The following SDK1 variants were observed in gnomAD, a reference collection of about 807,000 sequenced individuals.
SDK1 encodes sidekick cell adhesion molecule 1, also known as protein sidekick-1.
In SDK1, 157 loss-of-function variants were observed where a neutral mutation model predicts 245.5. The ratio of observed to expected loss-of-function variants is 0.64; its 90% confidence interval spans 0.56 to 0.73. The LOEUF (loss-of-function observed/expected upper bound fraction) is 0.73, where lower values mean the gene tolerates loss of function less well. Among genes scored for constraint, SDK1 ranks in the 30% least tolerant of loss-of-function variants. The pLI is 0.00. For synonymous variants in SDK1, 1,647 were observed against 1,278.5 expected, an observed-to-expected ratio of 1.29 and a Z score of -6.15; for missense variants, 3,583 against 3,002.3, an observed-to-expected ratio of 1.19 and a Z score of -4.52.
intron 5 of SDK1, among the ~76,000 whole-genome samples, chr7:3,886,228 G>A (rs1474464758): frequency 1.3e-5 from 2 of 152,186 alleles, no homozygotes; most frequent in South Asian, 2.1e-4. Flanking sequence ...GCTGCACATC[G>A]GGGATTCTAA....
At chr7:3,378,885 G>A (rs1175075253) in intron 1 of SDK1, among the ~76,000 whole-genome samples, 1 of 152,008 alleles carries the variant, frequency 6.6e-6, no homozygotes, top group East Asian at 1.9e-4. Context: ...TTCCTTGTTA[G>A]GACCTCTCAT....
At chr7:4,069,468 A>G (rs1427852421) in intron 20 of SDK1, among the ~76,000 whole-genome samples, 1 of 152,200 alleles carries the variant, frequency 6.6e-6, no homozygotes, top group Non-Finnish European at 1.5e-5. Context: ...CCGCACCCCA[A>G]GGTTGAGTGA....
At chr7:3,985,003 C>G (rs1783714666) in intron 13 of SDK1, among the ~76,000 whole-genome samples, 1 of 152,234 alleles carries the variant, frequency 6.6e-6, no homozygotes, top group African/African-American at 2.4e-5. Flanking sequence ...GAATCACTGG[C>G]TGCATGGTTG....
intron 1 of SDK1, among the ~76,000 whole-genome samples, chr7:3,479,697 A>C (rs1781454377): frequency 6.6e-6 from 1 of 151,830 alleles, no homozygotes; most frequent in South Asian, 2.1e-4. Context: ...CCCTATTTCT[A>C]CTAAAAATAC....
chr7:4,073,898 C>T (rs1780438429), intron 20 of SDK1, among the ~76,000 whole-genome samples: 1 of 152,188 alleles, frequency 6.6e-6, no homozygotes, highest in South Asian at 2.1e-4. Flanking sequence ...AGCACGGCCA[C>T]AACAAGCGAT....
chr7:3,452,518 A>T (rs1251630944), intron 1 of SDK1, among the ~76,000 whole-genome samples: 1 of 152,224 alleles, frequency 6.6e-6, no homozygotes, highest in African/African-American at 2.4e-5. Flanking sequence ...AACATGCATT[A>T]ATAACAAATC....
chr7:3,716,399 G>T (rs1186273504), intron 4 of SDK1, among the ~76,000 whole-genome samples: 1 of 152,080 alleles, frequency 6.6e-6, no homozygotes, highest in African/African-American at 2.4e-5. Context: ...GGAAAAATTA[G>T]AACTCTGAAA....
At chr7:3,434,040 G>C (rs760388510) in intron 1 of SDK1, among the ~76,000 whole-genome samples, 2 of 152,180 alleles carry the variant, frequency 1.3e-5, no homozygotes, top group African/African-American at 4.8e-5. Context: ...TGTTCCATTT[G>C]TGCAGTCAAT....
At chr7:3,541,591 T>TA (rs1779054459) in intron 1 of SDK1, among the ~76,000 whole-genome samples, 1 of 152,244 alleles carries the variant, frequency 6.6e-6, no homozygotes. Context: ...ACTTTATATA[T>TA]AACTATGGAT....
intron 1 of SDK1, among the ~76,000 whole-genome samples, chr7:3,363,686 C>T (rs1327251378): frequency 1.3e-5 from 2 of 152,136 alleles, no homozygotes; most frequent in Non-Finnish European, 2.9e-5. Context: ...CAGTCTAGAT[C>T]CCTCACCTGT....
At chr7:3,738,174 A>G (rs2115048798) in intron 4 of SDK1, among the ~76,000 whole-genome samples, 1 of 152,304 alleles carries the variant, frequency 6.6e-6, no homozygotes, top group East Asian at 1.9e-4. Context: ...AGTGCTTTCA[A>G]TTTTAGGTCT....
intron 5 of SDK1, among the ~76,000 whole-genome samples, chr7:3,852,083 C>A (rs1780431865): frequency 6.6e-6 from 1 of 151,810 alleles, no homozygotes; most frequent in Non-Finnish European, 1.5e-5. Flanking sequence ...TTGTGCAGAG[C>A]AGCTTTGTTG....
chr7:3,447,201 G>T (rs898313444), intron 1 of SDK1, among the ~76,000 whole-genome samples: 1 of 152,092 alleles, frequency 6.6e-6, no homozygotes, highest in African/African-American at 2.4e-5. Context: ...ACCTATATTA[G>T]AGGAGACAAT....
chr7:3,732,037 G>A (rs758664131), intron 4 of SDK1, among the ~76,000 whole-genome samples: 5 of 152,258 alleles, frequency 3.3e-5, no homozygotes, highest in South Asian at 2.1e-4. Context: ...TGATCCACCC[G>A]CCTCAGCCTC....
chr7:3,974,183 C>CA (rs10630472), intron 12 of SDK1, among the ~76,000 whole-genome samples, 186 bp from the exon 13 acceptor site: 28,330 of 104,146 alleles, frequency 0.27, 4,097 homozygotes, highest in African/African-American at 0.39. Context: ...GACTCTGTCT[C>CA]AAAAAAAAAA....
intron 5 of SDK1, among the ~76,000 whole-genome samples, chr7:3,840,014 G>T (rs767441100): frequency 2.6e-5 from 4 of 152,178 alleles, no homozygotes; most frequent in Admixed American, 2.0e-4. Flanking sequence ...ATGGTCATTG[G>T]TAGGTATCAA....
At chr7:3,581,866 G>T (rs991216893) in intron 1 of SDK1, among the ~76,000 whole-genome samples, 11 of 152,190 alleles carry the variant, frequency 7.2e-5, no homozygotes, top group Non-Finnish European at 1.6e-4. Flanking sequence ...TGAAGCTGGA[G>T]GCCATCATCC....
At chr7:4,234,301 A>T (rs759657120) in intron 41 of SDK1, among the ~76,000 whole-genome samples, 3 of 152,126 alleles carry the variant, frequency 2.0e-5, no homozygotes, top group Non-Finnish European at 2.9e-5. Context: ...TCCAGAGGCC[A>T]CCCTGGGTCC....
chr7:3,969,176 T>G, intron 10 of SDK1, 81 bp from the exon 11 acceptor site: 1 of 1,288,362 alleles, frequency 7.8e-7, no homozygotes, highest in African/African-American at 1.5e-5. Flanking sequence ...ACCATATTAC[T>G]TGCTTATGGC....
Sources: allele counts gnomAD v4.1 joint callset (sites outside exome capture counted in the v4.1 genomes callset), GRCh38; gene constraint gnomAD v4.1.1; transcripts MANE v1.5; gene names NCBI Gene and HGNC (gene_info 2026-07-23, HGNC 2026-07-21).